Variants in ACADL observed in about 807,000 individuals in gnomAD.
ACADL encodes the protein long-chain specific acyl-CoA dehydrogenase, mitochondrial.
Under a neutral mutation model 56.9 loss-of-function variants are expected in ACADL, and 60 were observed. That is an observed-to-expected ratio of 1.05 (90% CI 0.86 to 1.31). The LOEUF (loss-of-function observed/expected upper bound fraction) is 1.31, where lower values mean the gene tolerates loss of function less well. ACADL is among the 50% of genes most tolerant of loss of function. ACADL has a pLI of 0.00. For missense variants in ACADL, 484 were observed against 525.5 expected (o/e 0.92, Z 0.77); for synonymous variants, 158 against 179.7 (o/e 0.88, Z 0.97).
chr2:210,193,380 T>C lies in ACADL; in HGVS notation c.1113-490A>G, dbSNP rs1166653748. Among the ~76,000 whole-genome samples, 6 of 152,100 alleles carry C rather than the reference T, an allele frequency of 3.9e-5. No homozygotes were observed. In the East Asian group the frequency reaches 1.2e-3, roughly 29 times the overall value. The stretch of plus-strand genomic sequence containing the variant: ...TTTTAGGGTTCTGACTTTTCAGAAA[T>C]AAATTGAAGATAAAAGTGAAAACCT... On this transcript the variant is annotated intron_variant, in intron 9 of 10. Transcript: ENST00000233710.
intron 6 of ACADL, among the ~76,000 whole-genome samples, chr2:210,204,959 T>C (rs963821699): frequency 1.3e-5 from 2 of 152,200 alleles, no homozygotes; most frequent in Admixed American, 6.5e-5. Flanking sequence ...GGATTTCTAA[T>C]ACATATTAAG....
intron 4 of ACADL, among the ~76,000 whole-genome samples, chr2:210,215,745 GT>G (rs1689075283): frequency 6.6e-6 from 1 of 152,048 alleles, no homozygotes; most frequent in African/African-American, 2.4e-5. Flanking sequence ...CATACCATTA[GT>G]CTACAGCACA....
At chr2:210,222,420 G>T (rs1053305531) in intron 1 of ACADL, among the ~76,000 whole-genome samples, 100 of 151,548 alleles carry the variant, frequency 6.6e-4, no homozygotes, top group African/African-American at 2.4e-3. Flanking sequence ...ACTTTGGGAG[G>T]CCGAGGCCTG....
At chr2:210,217,134 T>G (rs1430213831) in intron 3 of ACADL, among the ~76,000 whole-genome samples, 2 of 152,188 alleles carry the variant, frequency 1.3e-5, no homozygotes, top group Admixed American at 6.5e-5. Context: ...AAGTTGTTTA[T>G]GTACCATAAT....
In ACADL at chr2:210,213,448, C is replaced by T. The variant is rs374973957; in HGVS notation, c.536+2899G>A. Among the ~76,000 whole-genome samples the T allele has an allele frequency of 7.3e-5, 11 of 151,724 alleles. No individual in the cohort carries two copies. The South Asian group carries it at 1.0e-3, about 14-fold the overall frequency. On this transcript the variant is annotated intron_variant, in intron 4 of 10. Transcript: ENST00000233710. ...CTAGGAGGTGGAGGTTGCAGTGAGC[C>T]GAGATCGCGCCATTGCACTCCAGCC... is the stretch of plus-strand genomic sequence containing the variant.
rs369304296 is a variant in ACADL, at chr2:210,195,215, A to G, written c.1108T>C (p.Tyr370His). 15 of 1,613,788 alleles carry G rather than the reference A, an allele frequency of 9.3e-6. No individual in the cohort carries two copies. Among genetic ancestry groups the G allele is most frequent in the African/African-American group, 1.3e-5 (1 of 74,916 alleles). Residue 370 changes from tyrosine to histidine, a missense_variant, in exon 9 of 11, where the codon TAT (tyrosine) becomes CAT (histidine). Coordinates refer to ENST00000233710, the MANE Select transcript of ACADL (RefSeq NM_001608.4). ...TAATTACTGTAGCATGCATACCAAT[A>G]TTTCGCCATGCAAGCAGTGGCGGAG... ...LDSATACMAK[Y>H]WASELQNSVA...
chr2:210,208,841 T>G, intron 5 of ACADL, among the ~76,000 whole-genome samples: 1 of 152,216 alleles, frequency 6.6e-6, no homozygotes, highest in East Asian at 1.9e-4. Context: ...GCTTACCCAT[T>G]CCTTTACTTT....
intron 8 of ACADL, among the ~76,000 whole-genome samples, chr2:210,197,712 A>G (rs147497675): frequency 2.6e-4 from 40 of 152,290 alleles, no homozygotes; most frequent in Non-Finnish European, 5.1e-4. Flanking sequence ...TGTCTTTACA[A>G]TATGAAAGAG....
At chr2:210,202,095 T>C (rs1688802605) in intron 8 of ACADL, among the ~76,000 whole-genome samples, 1 of 152,090 alleles carries the variant, frequency 6.6e-6, no homozygotes, top group African/African-American at 2.4e-5. Flanking sequence ...ATTTATTTAT[T>C]TGTTTATTTT....
intron 4 of ACADL, among the ~76,000 whole-genome samples, chr2:210,214,525 G>GAA: frequency 6.6e-6 from 1 of 151,138 alleles, no homozygotes. Context: ...AAGAAAGAAA[G>GAA]AAAGAAATCT....
At chr2:210,199,733 G>T (rs901594216) in intron 8 of ACADL, among the ~76,000 whole-genome samples, 1 of 151,932 alleles carries the variant, frequency 6.6e-6, no homozygotes, top group African/African-American at 2.4e-5. Flanking sequence ...GTATATTTTT[G>T]TTTTTGTATT....
chr2:210,195,568 A>T (rs1367552343), intron 8 of ACADL, among the ~76,000 whole-genome samples: 2 of 152,346 alleles, frequency 1.3e-5, no homozygotes, highest in East Asian at 3.9e-4. Flanking sequence ...AAAATAGTTT[A>T]AAACATAAAC....
At chr2:210,195,723 A>T (rs1448372224) in intron 8 of ACADL, among the ~76,000 whole-genome samples, 1 of 152,150 alleles carries the variant, frequency 6.6e-6, no homozygotes, top group Non-Finnish European at 1.5e-5. Context: ...CAGAGATTAA[A>T]TCCTTGAAGA....
intron 8 of ACADL, among the ~76,000 whole-genome samples, chr2:210,198,420 T>C (rs543272937): frequency 6.6e-6 from 1 of 152,270 alleles, no homozygotes; most frequent in East Asian, 1.9e-4. Flanking sequence ...CAAGAAGAAG[T>C]ATTATTTTTT....
intron 10 of ACADL, among the ~76,000 whole-genome samples, chr2:210,192,513 T>A (rs573427143): frequency 1.3e-5 from 2 of 152,002 alleles, no homozygotes; most frequent in Admixed American, 6.6e-5. Context: ...ATAAAAAAAT[T>A]AAAAAATTTT....
intron 4 of ACADL, among the ~76,000 whole-genome samples, chr2:210,212,355 C>T (rs1036600323): frequency 2.0e-5 from 3 of 152,104 alleles, no homozygotes; most frequent in African/African-American, 7.2e-5. Flanking sequence ...AGAGAGATTT[C>T]ATAGACAGAA....
At chr2:210,202,454 T>G (rs538653028) in intron 8 of ACADL, among the ~76,000 whole-genome samples, 1 of 152,140 alleles carries the variant, frequency 6.6e-6, no homozygotes, top group African/African-American at 2.4e-5. Context: ...ACCAACAGAG[T>G]GATGTATCTG....
chr2:210,204,472 G>C, intron 7 of ACADL, 109 bp downstream of exon 7: 1 of 836,668 alleles, frequency 1.2e-6, no homozygotes, highest in Non-Finnish European at 2.0e-6. Context: ...TATTTCACAA[G>C]TTTTGCATGT....
intron 10 of ACADL, among the ~76,000 whole-genome samples, chr2:210,192,171 T>A (rs1382555877): frequency 3.3e-5 from 5 of 151,942 alleles, no homozygotes; most frequent in African/African-American, 1.2e-4. Context: ...TATTGCTTTT[T>A]TTTTTTTTTG....
Sources: gnomAD v4.1 joint callset for allele counts (sites outside exome capture counted in the v4.1 genomes callset) on GRCh38, gnomAD v4.1.1 for gene constraint, MANE v1.5 for transcripts, NCBI Gene and HGNC (gene_info 2026-07-23, HGNC 2026-07-21) for gene names.